AKAIN1: variants seen among roughly 807,000 people sequenced by gnomAD.
The protein encoded by AKAIN1 is A-kinase anchor inhibitor 1.
AKAIN1 carries 3 observed loss-of-function variants against 3.7 expected under a neutral mutation model. That is an observed-to-expected ratio of 0.82 (90% CI 0.37 to 2.12). AKAIN1 has a LOEUF of 2.12. AKAIN1 is among the 30% of genes most tolerant of loss of function. The pLI is 0.06. For missense variants in AKAIN1, 82 were observed against 82.7 expected (o/e 0.99, Z 0.03); for synonymous variants, 31 against 30.8 (o/e 1.01, Z -0.02).
chr18:5,191,277 A>G (rs2071317020), intron 1 of AKAIN1, among the ~76,000 whole-genome samples: 1 of 152,194 alleles, frequency 6.6e-6, no homozygotes, highest in African/African-American at 2.4e-5. Flanking sequence ...CTTATCTCTT[A>G]CAACTAATAA....
At position 5,163,022 on chromosome 18, in the gene AKAIN1, T is replaced by G. The variant is rs1875924293; in HGVS notation, c.17-17267A>C. Among the ~76,000 whole-genome samples the G allele has an allele frequency of 1.3e-5, 2 of 151,944 alleles. 1 individual carries two copies. Among genetic ancestry groups the G allele is most frequent in the South Asian group, 4.2e-4 (2 of 4,808 alleles). On this transcript the variant is annotated intron_variant, in intron 1 of 1. Coordinates refer to ENST00000434239, the MANE Select transcript of AKAIN1 (RefSeq NM_001145194.2). ...GTAGGTTTGGGATTCGGCTCAGGAA[T>G]GTACATATTTAGCCATGACTGCAGG... is the stretch of plus-strand genomic sequence containing the variant.
intron 1 of AKAIN1, among the ~76,000 whole-genome samples, chr18:5,160,157 T>C (rs1323947286): frequency 6.6e-6 from 1 of 152,204 alleles, no homozygotes; most frequent in Non-Finnish European, 1.5e-5. Context: ...TCAAATTCGC[T>C]AAGTATTGCC....
chr18:5,196,943 G>T, intron 1 of AKAIN1, 95 bp downstream of exon 1: 1 of 1,118,862 alleles, frequency 8.9e-7, no homozygotes, highest in Non-Finnish European at 1.3e-6. Flanking sequence ...CGCGCAGATG[G>T]GCCGTAAGGT....
chr18:5,158,907 C>T lies in AKAIN1; in HGVS notation c.17-13152G>A, dbSNP rs950905703. On this transcript the variant is annotated intron_variant, in intron 1 of 1. Transcript: ENST00000434239. ...CTAAACTACAAAATACAGGTGAAAA[C>T]ATCTGATTAATTTTTGAAGTGGATA... Among the ~76,000 whole-genome samples the T allele has an allele frequency of 5.4e-4, 82 of 152,278 alleles. 1 individual carries two copies. The Middle Eastern group carries it at 0.024, about 44-fold the overall frequency.
rs182096086 is a variant in AKAIN1, at chr18:5,150,077, A to T, written c.17-4322T>A. 2.4e-4 allele frequency among the ~76,000 whole-genome samples: 36 copies of T among 152,348 alleles called. No homozygotes were observed. The East Asian group carries it at 4.0e-3, about 17-fold the overall frequency. On this transcript the variant is annotated intron_variant, in intron 1 of 1. Coordinates refer to ENST00000434239, the MANE Select transcript of AKAIN1 (RefSeq NM_001145194.2). ...AGTTCGGATCAAGAGGTGGGAACAC[A>T]GCTACTTAGGAGGAAGGAACCACTT...
intron 1 of AKAIN1, among the ~76,000 whole-genome samples, chr18:5,192,384 A>C (rs555357334): frequency 1.0e-5 from 1 of 97,830 alleles, no homozygotes; most frequent in Admixed American, 9.4e-5. Flanking sequence ...CACAGAGCTA[A>C]TTTTCTTTCT....
Position 5,148,152 on chromosome 18 carries a change from G to A in AKAIN1, c.17-2397C>T, listed in dbSNP as rs570625132. ...TAAGTGTCCACCATTGTGTGTTAGGGAATAGACTAAGCTGTTGTAACTGAG... is the reference window on the plus strand; with the variant it reads ...TAAGTGTCCACCATTGTGTGTTAGGAAATAGACTAAGCTGTTGTAACTGAG... On this transcript the variant is annotated intron_variant, in intron 1 of 1. Coordinates refer to ENST00000434239, the MANE Select transcript of AKAIN1 (RefSeq NM_001145194.2). 1.4e-4 allele frequency among the ~76,000 whole-genome samples: 21 copies of A among 152,282 alleles called. No individual in the cohort carries two copies. The South Asian group carries it at 3.9e-3, about 29-fold the overall frequency.
At chr18:5,154,865 C>T (rs2071098283) in intron 1 of AKAIN1, among the ~76,000 whole-genome samples, 2 of 152,218 alleles carry the variant, frequency 1.3e-5, no homozygotes, top group African/African-American at 4.8e-5. Flanking sequence ...GCCTGGCTCA[C>T]TGCAGCCTCA....
At chr18:5,158,254 A>T (rs2071119642) in intron 1 of AKAIN1, among the ~76,000 whole-genome samples, 1 of 151,978 alleles carries the variant, frequency 6.6e-6, no homozygotes, top group Non-Finnish European at 1.5e-5. Context: ...GCTCCCATTA[A>T]TTTTCTGCTC....
At chr18:5,191,707 G>T (rs1265571062) in intron 1 of AKAIN1, among the ~76,000 whole-genome samples, 1 of 151,976 alleles carries the variant, frequency 6.6e-6, no homozygotes, top group Non-Finnish European at 1.5e-5. Context: ...AAAGTTGGAG[G>T]ACTTACACTA....
At chr18:5,146,653 C>T (rs974931135) in intron 1 of AKAIN1, among the ~76,000 whole-genome samples, 4 of 152,084 alleles carry the variant, frequency 2.6e-5, no homozygotes, top group Non-Finnish European at 4.4e-5. Flanking sequence ...CAGAACCTGC[C>T]CCCCTCCCCG....
At chr18:5,185,889 C>G (rs1283375762) in intron 1 of AKAIN1, among the ~76,000 whole-genome samples, 1 of 152,150 alleles carries the variant, frequency 6.6e-6, no homozygotes. Flanking sequence ...GTATGTTTAT[C>G]ACAGCACTAT....
At chr18:5,185,170 C>A (rs921795033) in intron 1 of AKAIN1, among the ~76,000 whole-genome samples, 1 of 152,052 alleles carries the variant, frequency 6.6e-6, no homozygotes, top group African/African-American at 2.4e-5. Flanking sequence ...TAGACCCTTT[C>A]CTTGCATTAT....
chr18:5,196,157 C>T (rs1022354176), intron 1 of AKAIN1, among the ~76,000 whole-genome samples: 10 of 152,196 alleles, frequency 6.6e-5, no homozygotes, highest in Non-Finnish European at 1.0e-4. Flanking sequence ...CAGCCTTCCC[C>T]ACTCCCTGTT....
At position 5,194,183 on chromosome 18, in the gene AKAIN1, C is replaced by G. The variant is rs550196827; in HGVS notation, c.16+2855G>C. On this transcript the variant is annotated intron_variant, in intron 1 of 1. Coordinates refer to ENST00000434239, the MANE Select transcript of AKAIN1 (RefSeq NM_001145194.2). ...TTCGTATAGTTCCTTTAGACAGAAG[C>G]ATAAATAAATGATGGGCTTCAAGTA... is the stretch of plus-strand genomic sequence containing the variant. 2.0e-5 allele frequency among the ~76,000 whole-genome samples: 3 copies of G among 152,114 alleles called. 1 individual carries two copies. The South Asian group carries it at 6.2e-4, about 32-fold the overall frequency.
At chr18:5,163,429 A>G (rs1248997425) in intron 1 of AKAIN1, among the ~76,000 whole-genome samples, 1 of 152,052 alleles carries the variant, frequency 6.6e-6, no homozygotes, top group African/African-American at 2.4e-5. Context: ...GTAACAAAGC[A>G]CCCAGGTTCG....
At chr18:5,178,542 A>G (rs1304785138) in intron 1 of AKAIN1, among the ~76,000 whole-genome samples, 1 of 152,138 alleles carries the variant, frequency 6.6e-6, no homozygotes, top group Non-Finnish European at 1.5e-5. Flanking sequence ...ACTTAATGGG[A>G]AAACTATGAG....
chr18:5,186,316 C>T (rs1233819477), intron 1 of AKAIN1, among the ~76,000 whole-genome samples: 3 of 152,114 alleles, frequency 2.0e-5, no homozygotes, highest in East Asian at 3.9e-4. Context: ...CACCAAACCC[C>T]TGTGAAATGC....
At chr18:5,173,405 C>G (rs1366844086) in intron 1 of AKAIN1, among the ~76,000 whole-genome samples, 2 of 152,166 alleles carry the variant, frequency 1.3e-5, no homozygotes, top group African/African-American at 4.8e-5. Flanking sequence ...GACTTCAAAG[C>G]CCAACAAGGA....
Sources: gnomAD v4.1 joint callset for allele counts (sites outside exome capture counted in the v4.1 genomes callset) on GRCh38, gnomAD v4.1.1 for gene constraint, MANE v1.5 for transcripts, NCBI Gene and HGNC (gene_info 2026-07-23, HGNC 2026-07-21) for gene names.